Variants in SLC44A1 observed in about 807,000 individuals in gnomAD.
SLC44A1 encodes choline transporter-like protein 1.
In SLC44A1, 26 loss-of-function variants were observed where a neutral mutation model predicts 79.3. The observed-to-expected ratio is 0.33, with a 90% CI of 0.24 to 0.46. SLC44A1 has a LOEUF of 0.46. SLC44A1 is among the 20% of genes least tolerant of loss of function. The pLI is 1.00. For synonymous variants in SLC44A1, 263 were observed against 286.2 expected (o/e 0.92, Z 0.82); for missense variants, 688 against 798.1 (o/e 0.86, Z 1.66).
chr9:105,397,251 A>C lies in SLC44A1; in HGVS notation c.*8195A>C. On this transcript the variant is annotated 3_prime_UTR_variant, in exon 16 of 16. Transcript: ENST00000374720. ...ATCTAATGCTAAGTTTTCTCTGTGTACTGACTCAGTTGCCAGAATTATAAT... is the reference window on the plus strand; with the variant it reads ...ATCTAATGCTAAGTTTTCTCTGTGTCCTGACTCAGTTGCCAGAATTATAAT... The C allele has an allele frequency of 1.0e-6, 1 of 985,268 alleles. No individual in the cohort carries two copies. Among genetic ancestry groups the C allele is most frequent in the Non-Finnish European group, 1.2e-6 (1 of 829,776 alleles). 61.0% of individuals were successfully genotyped at this position (985,268 alleles called of 1,614,324 possible).
chr9:105,266,196 G>A (rs1487034465), intron 1 of SLC44A1, among the ~76,000 whole-genome samples: 11 of 152,060 alleles, frequency 7.2e-5, no homozygotes, highest in Admixed American at 7.2e-4. Context: ...CAAACTGCTG[G>A]CCTCAACCGA....
At position 105,393,332 on chromosome 9, in the gene SLC44A1, A is replaced by G. The variant is rs1588864947; in HGVS notation, c.*4276A>G. The G allele has an allele frequency of 2.0e-6, 2 of 985,414 alleles. No homozygotes were observed. The highest frequency in any genetic ancestry group is 1.1e-4 in the East Asian group (1 of 8,822). The allele number at this position is 985,414 out of a possible 1,614,324, so 61.0% of individuals were successfully genotyped here. A position where few individuals can be genotyped will look rare whatever the true frequency, so the allele number is the denominator to read the frequency against. On this transcript the variant is annotated 3_prime_UTR_variant, in exon 16 of 16. Coordinates refer to ENST00000374720, the MANE Select transcript of SLC44A1 (RefSeq NM_080546.5). ...TGTTAACTTAGTGGCACATAGTCCA[A>G]ATTTTTAAAAAGCAAGACCCTTGAA...
rs370528584 is a variant in SLC44A1 at position 105,279,192 on chromosome 9, C to CAA, written c.37-20014_37-20013dup. Among the ~76,000 whole-genome samples, 703 of 75,088 alleles carry CAA rather than the reference C, an allele frequency of 9.4e-3. 9 individuals carry two copies. Among genetic ancestry groups the CAA allele is most frequent in the African/African-American group, 0.026 (668 of 25,592 alleles). 49.3% of individuals were successfully genotyped at this position (75,088 alleles called of 152,430 possible). A position where few individuals can be genotyped will look rare whatever the true frequency, so the allele number is the denominator to read the frequency against. On this transcript the variant is annotated intron_variant, in intron 1 of 15. Coordinates refer to ENST00000374720, the MANE Select transcript of SLC44A1 (RefSeq NM_080546.5). ...CCAGCCTGGGCGACAAAGCAAGACT[C>CAA]AAAAAAAAAAAAAAAGGTATTCAGT...
chr9:105,315,894 A>G (rs1293900395), intron 3 of SLC44A1, among the ~76,000 whole-genome samples: 2 of 152,188 alleles, frequency 1.3e-5, no homozygotes, highest in African/African-American at 4.8e-5. Context: ...CTGAGTGACT[A>G]TCCTTCACCT....
intron 3 of SLC44A1, among the ~76,000 whole-genome samples, chr9:105,310,905 C>T (rs1275627690): frequency 2.0e-5 from 3 of 152,172 alleles, no homozygotes; most frequent in Non-Finnish European, 4.4e-5. Flanking sequence ...GTTTGTATGG[C>T]ATCCCAAAGT....
chr9:105,403,588 C>T (rs1174854649), intron 15 of SLC44A1, among the ~76,000 whole-genome samples: 1 of 149,930 alleles, frequency 6.7e-6, no homozygotes, highest in Non-Finnish European at 1.5e-5. Flanking sequence ...AGCCTCTGCT[C>T]TCTGAAAACT....
intron 2 of SLC44A1, among the ~76,000 whole-genome samples, chr9:105,301,412 T>G (rs1396768901): frequency 1.3e-5 from 2 of 152,220 alleles, no homozygotes; most frequent in African/African-American, 4.8e-5. Context: ...TTCGAATGAT[T>G]CCTTTAATGG....
intron 1 of SLC44A1, among the ~76,000 whole-genome samples, chr9:105,269,314 T>C (rs780374198): frequency 1.3e-5 from 2 of 152,196 alleles, no homozygotes; most frequent in African/African-American, 2.4e-5. Flanking sequence ...TCAGATCCTC[T>C]CTTTAGACAC....
intron 5 of SLC44A1, among the ~76,000 whole-genome samples, chr9:105,353,526 T>A (rs1402594097): frequency 6.6e-6 from 1 of 152,176 alleles, no homozygotes; most frequent in Non-Finnish European, 1.5e-5. Context: ...GATGATGATC[T>A]GAAGAGACTT....
rs1472747131 is a variant in SLC44A1, at chr9:105,356,326, T to C, written c.615T>C (p.Ile205=). 6.2e-7 allele frequency: 1 copy of C among 1,611,500 alleles called. No individual in the cohort carries two copies. The highest frequency in any genetic ancestry group is 8.5e-7 in the Non-Finnish European group (1 of 1,178,606). Residue 205 remains isoleucine (I), a synonymous_variant, in exon 6 of 16, where the codon ATT becomes ATC. Coordinates refer to ENST00000374720, the MANE Select transcript of SLC44A1 (RefSeq NM_080546.5). ...VSDNSVLHRL[I]SGVMTSKEII... is the part of the protein sequence containing the mutation. The stretch of plus-strand genomic sequence containing the variant: ...ACAATAGTGTCTTACACAGGCTGAT[T>C]AGTGGAGTAATGACCAGCAAAGAAA...
intron 1 of SLC44A1, among the ~76,000 whole-genome samples, chr9:105,273,225 C>A (rs762280021): frequency 6.6e-6 from 1 of 152,122 alleles, no homozygotes. Context: ...CTCCCGACCT[C>A]GGGTGATCCA....
At position 105,391,831 on chromosome 9, in the gene SLC44A1, G is replaced by T; in HGVS notation, c.*2775G>T. On this transcript the variant is annotated 3_prime_UTR_variant, in exon 16 of 16. Transcript: ENST00000374720. ...TTTCATAAATCATTGATTCTATGTGGTGGTTTTTGTCTTCTTCTGTGGTGA... is the reference window on the plus strand; with the variant it reads ...TTTCATAAATCATTGATTCTATGTGTTGGTTTTTGTCTTCTTCTGTGGTGA... The T allele has an allele frequency of 1.0e-6, 1 of 985,240 alleles. No individual in the cohort carries two copies. Among genetic ancestry groups the T allele is most frequent in the Non-Finnish European group, 1.2e-6 (1 of 829,854 alleles). The allele number at this position is 985,240 out of a possible 1,614,324, so 61.0% of individuals were successfully genotyped here.
chr9:105,273,633 T>C (rs1015956817), intron 1 of SLC44A1, among the ~76,000 whole-genome samples: 1 of 152,180 alleles, frequency 6.6e-6, no homozygotes, highest in Non-Finnish European at 1.5e-5. Context: ...ATCTTGAAGA[T>C]GTGAGTCCAT....
chr9:105,291,384 G>T (rs569713062), intron 1 of SLC44A1, among the ~76,000 whole-genome samples: 10 of 152,290 alleles, frequency 6.6e-5, no homozygotes, highest in Admixed American at 5.2e-4. Context: ...CACTTGAATC[G>T]CACAAATGTC....
chr9:105,297,602 C>T (rs1830759557), intron 1 of SLC44A1, among the ~76,000 whole-genome samples: 1 of 152,120 alleles, frequency 6.6e-6, no homozygotes, highest in Admixed American at 6.5e-5. Flanking sequence ...AGACTGGTCT[C>T]GAGCTCCCGA....
intron 15 of SLC44A1, among the ~76,000 whole-genome samples, chr9:105,406,935 A>T (rs1470375024): frequency 6.6e-6 from 1 of 152,122 alleles, no homozygotes; most frequent in African/African-American, 2.4e-5. Flanking sequence ...TAGAAATGAT[A>T]AAAAAGGGAA....
At chr9:105,354,124 C>T (rs1747771997) in intron 5 of SLC44A1, among the ~76,000 whole-genome samples, 1 of 137,320 alleles carries the variant, frequency 7.3e-6, no homozygotes. Context: ...GATCTCGGCT[C>T]ACTGCAAGCT....
intron 1 of SLC44A1, among the ~76,000 whole-genome samples, chr9:105,278,028 C>T (rs1234051745): frequency 6.6e-6 from 1 of 151,494 alleles, no homozygotes; most frequent in East Asian, 1.9e-4. Context: ...CTTCTTAATC[C>T]ATTGTTTCAA....
At chr9:105,269,553 G>T (rs1830034202) in intron 1 of SLC44A1, among the ~76,000 whole-genome samples, 1 of 152,132 alleles carries the variant, frequency 6.6e-6, no homozygotes. Context: ...GCATGTGTTG[G>T]CTCTTACTGG....
Sources: gnomAD v4.1 joint callset for allele counts (sites outside exome capture counted in the v4.1 genomes callset) on GRCh38, gnomAD v4.1.1 for gene constraint, MANE v1.5 for transcripts, NCBI Gene and HGNC (gene_info 2026-07-23, HGNC 2026-07-21) for gene names.